The following CEP44 variants were observed in gnomAD, a reference collection of about 807,000 sequenced individuals.
CEP44 encodes the protein centrosomal protein of 44 kDa.
A neutral mutation model predicts 46.7 loss-of-function variants in CEP44; 45 were observed. The ratio of observed to expected loss-of-function variants is 0.96; its 90% CI spans 0.76 to 1.24. The LOEUF is 1.24. Ranked by LOEUF, CEP44 falls within the 50% of genes most tolerant of loss-of-function variation. CEP44 has a pLI of 0.00. For missense variants in CEP44, 475 were observed against 459.7 expected (o/e 1.03, Z -0.30); for synonymous variants, 142 against 146.0 (o/e 0.97, Z 0.20).
In CEP44 at chr4:174,291,787, C is replaced by CTTTTTTTTTTTTTTTTTT. The variant is rs56201469; in HGVS notation, c.-147-6171_-147-6154dup. ...CTTTATTCTTTTATCTTTTTCTTTTCTTTTTTTTTTTTTTTTTTTTTTTTT... is the reference window on the plus strand; with the variant it reads ...CTTTATTCTTTTATCTTTTTCTTTTCTTTTTTTTTTTTTTTTTTTTTTTTTTTTTTTTTTTTTTTTTTT... On this transcript the variant is annotated intron_variant, in intron 1 of 11. Coordinates refer to ENST00000503780, the MANE Select transcript of CEP44 (RefSeq NM_001040157.3). Among the ~76,000 whole-genome samples, 39 of 46,404 alleles carry CTTTTTTTTTTTTTTTTTT rather than the reference C, an allele frequency of 8.4e-4. 1 individual carries two copies. The highest frequency in any genetic ancestry group is 1.8e-3 in the East Asian group (2 of 1,142). 30.4% of individuals were successfully genotyped at this position (46,404 alleles called of 152,430 possible).
intron 1 of CEP44, among the ~76,000 whole-genome samples, chr4:174,292,601 C>T (rs137954281): frequency 3.9e-5 from 6 of 152,084 alleles, no homozygotes; most frequent in East Asian, 1.9e-4. Flanking sequence ...TTCATATGAC[C>T]GGTGTTCAGG....
rs1249943371 is a variant in CEP44 at position 174,311,713 on chromosome 4, A to G, written c.961+855A>G. 6.6e-6 allele frequency among the ~76,000 whole-genome samples: 1 copy of G among 152,170 alleles called. No homozygotes were observed. Among genetic ancestry groups the G allele is most frequent in the Non-Finnish European group, 1.5e-5 (1 of 68,004 alleles). On this transcript the variant is annotated intron_variant, in intron 9 of 11. Transcript: ENST00000503780. The surrounding 1 kb of genome is among the most constrained non-coding windows in gnomAD (Gnocchi z 4.4). ...CTATTTTTATATTTTACAGTTGAGG[A>G]AACTGAAGTACAGCAAAATTAAGTA...
At chr4:174,294,046 C>CTT (rs764798847) in intron 1 of CEP44, among the ~76,000 whole-genome samples, 13 of 138,106 alleles carry the variant, frequency 9.4e-5, no homozygotes, top group Admixed American at 2.2e-4. Context: ...CATATATCCT[C>CTT]TTTTTTTTTT....
rs1001992888 is a variant in CEP44, at chr4:174,316,196, G to T, written c.992G>T (p.Ser331Ile). 2.5e-6 allele frequency: 4 copies of T among 1,613,824 alleles called. No individual in the cohort carries two copies. Among genetic ancestry groups the T allele is most frequent in the Non-Finnish European group, 2.5e-6 (3 of 1,179,918 alleles). The change falls in exon 10 of 12, where the codon AGT becomes ATT. Residue 331 changes from serine (S) to isoleucine (I), a missense_variant. Ser to Ile is a moderately radical substitution (Grantham distance 142, BLOSUM62 -2). Transcript: ENST00000503780. ...AAAAGCGAAGTAGAGAGGCCAGCAA[G>T]TATTCCTCTGTCCTCTGGCTATAGT... ...HRKSEVERPASIPLSSGYSTA... is the reference protein window; with the variant it reads ...HRKSEVERPAIIPLSSGYSTA...
At chr4:174,289,511 T>C (rs1737933772) in intron 1 of CEP44, among the ~76,000 whole-genome samples, 1 of 151,974 alleles carries the variant, frequency 6.6e-6, no homozygotes, top group Non-Finnish European at 1.5e-5. Flanking sequence ...CCATTTTTTT[T>C]TAGATTGTCC....
At chr4:174,321,268 A>C (rs569913432), downstream of CEP44, among the ~76,000 whole-genome samples, 68 of 152,290 alleles carry the variant, frequency 4.5e-4, no homozygotes, top group East Asian at 8.9e-3. Context: ...CTAAGCCTTC[A>C]AATTCAGATT....
intron 6 of CEP44, 46 bp downstream of exon 6, chr4:174,304,415 A>G (rs1157221469): frequency 3.2e-6 from 5 of 1,586,380 alleles, no homozygotes; most frequent in Non-Finnish European, 4.3e-6. Context: ...GAGTTATCTA[A>G]TTAATCCAAT....
At chr4:174,284,160 C>A (rs1579047379) in intron 1 of CEP44, 1 of 397,988 alleles carries the variant, frequency 2.5e-6, no homozygotes, top group Non-Finnish European at 4.4e-6. Flanking sequence ...GAGGAGACGG[C>A]AAGGCTGCGC....
chr4:174,326,334 A>G lies in CEP44; in HGVS notation c.1087-5148A>G, dbSNP rs1742666296. ...AATATTATACTACTCATTTTTCAGT[A>G]TATATATTTAACTTAATATAGGCTA... On this transcript the variant is annotated intron_variant, in intron 8 of 8. Transcript: ENST00000426172. This position sits in a 1 kb window ranked among gnomAD's most constrained non-coding sequence, Gnocchi z 4.8. Among the ~76,000 whole-genome samples the G allele has an allele frequency of 6.6e-6, 1 of 151,306 alleles. No homozygotes were observed. The highest frequency in any genetic ancestry group is 1.5e-5 in the Non-Finnish European group (1 of 67,934).
rs977735441 is a variant in CEP44 at position 174,311,215 on chromosome 4, G to A, written c.961+357G>A. Among the ~76,000 whole-genome samples the A allele has an allele frequency of 6.6e-6, 1 of 151,928 alleles. No homozygotes were observed. The highest frequency in any genetic ancestry group is 1.5e-5 in the Non-Finnish European group (1 of 67,866). On this transcript the variant is annotated intron_variant, in intron 9 of 11. Coordinates refer to ENST00000503780, the MANE Select transcript of CEP44 (RefSeq NM_001040157.3). The surrounding 1 kb of genome is among the most constrained non-coding windows in gnomAD (Gnocchi z 4.4). ...CTTTCTCATATGTAAATAATAATAT[G>A]TAAGAGAAGAAAACACATTTGTCAG...
intron 1 of CEP44, 135 bp downstream of exon 1, chr4:174,284,078 T>G (rs549186192): frequency 1.5e-4 from 60 of 398,886 alleles, no homozygotes; most frequent in Non-Finnish European, 2.5e-4. Flanking sequence ...TTGCATATGC[T>G]CCGTTTTCCT....
In CEP44 at chr4:174,317,420, A is replaced by G. The variant is rs1317376852; in HGVS notation, c.*37A>G. On this transcript the variant is annotated 3_prime_UTR_variant, in exon 12 of 12. Coordinates refer to ENST00000503780, the MANE Select transcript of CEP44 (RefSeq NM_001040157.3). Reference sequence around the variant, plus strand: ...TGAACTTTTTTCTAGGACTTTGGTTACTATACATATTGTATATTTTAAGAA... The same window carrying G: ...TGAACTTTTTTCTAGGACTTTGGTTGCTATACATATTGTATATTTTAAGAA... 3.6e-6 allele frequency: 5 copies of G among 1,375,682 alleles called. No homozygotes were observed. In the African/African-American group the frequency reaches 4.4e-5, roughly 12 times the overall value. 85.2% of individuals were successfully genotyped at this position (1,375,682 alleles called of 1,614,324 possible).
At chr4:174,324,816 T>C (rs1742553597), downstream of CEP44, among the ~76,000 whole-genome samples, 1 of 152,154 alleles carries the variant, frequency 6.6e-6, no homozygotes, top group Non-Finnish European at 1.5e-5. Flanking sequence ...CATATATTCC[T>C]GTGGGAACCA....
rs558972132 is a variant in CEP44, at chr4:174,301,900, T to C, written c.90-139T>C. 3 of 710,156 alleles carry C rather than the reference T, an allele frequency of 4.2e-6. No homozygotes were observed. The highest frequency in any genetic ancestry group is 3.6e-5 in the African/African-American group (2 of 55,264). The allele number at this position is 710,156 out of a possible 1,614,324, so 44.0% of individuals were successfully genotyped here. A position where few individuals can be genotyped will look rare whatever the true frequency, so the allele number is the denominator to read the frequency against. ...GGGGAATGGAATCTAGAAAGTCTCA[T>C]GTATCACCTAATTATTATAGCTATA... On this transcript the variant is annotated intron_variant, in intron 3 of 11. Coordinates refer to ENST00000503780, the MANE Select transcript of CEP44 (RefSeq NM_001040157.3). This position sits in a 1 kb window ranked among gnomAD's most constrained non-coding sequence, Gnocchi z 4.3.
At chr4:174,295,147 G>A (rs1175255422) in intron 1 of CEP44, among the ~76,000 whole-genome samples, 6 of 151,688 alleles carry the variant, frequency 4.0e-5, no homozygotes, top group South Asian at 2.1e-4. Context: ...CCTCCCTCCC[G>A]GATGGGGTGG....
intron 1 of CEP44, among the ~76,000 whole-genome samples, chr4:174,294,847 C>CG (rs529251008): frequency 0.022 from 2,927 of 130,792 alleles, 57 homozygotes; most frequent in Non-Finnish European, 0.032. Flanking sequence ...GCTGGCCGGG[C>CG]GGGGGGCTGA....
Position 174,316,221 on chromosome 4 carries a change from T to C in CEP44, c.1017T>C (p.Ser339=). Reference sequence around the variant, plus strand: ...GTATTCCTCTGTCCTCTGGCTATAGTACAGCATCATCAGATTCAACTCCCA... The same window carrying C: ...GTATTCCTCTGTCCTCTGGCTATAGCACAGCATCATCAGATTCAACTCCCA... ...PASIPLSSGY[S]TASSDSTPRA... Residue 339 remains serine, a synonymous_variant, in exon 10 of 12, where the codon AGT becomes AGC. Transcript: ENST00000503780. 6.2e-7 allele frequency: 1 copy of C among 1,613,646 alleles called. No homozygotes were observed. The highest frequency in any genetic ancestry group is 8.5e-7 in the Non-Finnish European group (1 of 1,179,576).
At position 174,331,886 on chromosome 4, in the gene CEP44, G is replaced by T. The variant is rs1731337836; in HGVS notation, c.*291G>T. The T allele has an allele frequency of 3.5e-6, 1 of 285,742 alleles. No homozygotes were observed. The highest frequency in any genetic ancestry group is 6.5e-6 in the Non-Finnish European group (1 of 154,618). 17.7% of individuals were successfully genotyped at this position (285,742 alleles called of 1,614,324 possible). A position where few individuals can be genotyped will look rare whatever the true frequency, so the allele number is the denominator to read the frequency against. On this transcript the variant is annotated 3_prime_UTR_variant, in exon 9 of 9. Transcript: ENST00000426172. This position sits in a 1 kb window ranked among gnomAD's most constrained non-coding sequence, Gnocchi z 4.5. Reference sequence around the variant, plus strand: ...TTCATATTTCTTTATTATTGTAAATGGGGGCTGTGGAAGGTGAGAAAACAC... The same window carrying T: ...TTCATATTTCTTTATTATTGTAAATTGGGGCTGTGGAAGGTGAGAAAACAC...
rs141845444 is a variant in CEP44, at chr4:174,315,165, A to G, written c.962-1001A>G. Among the ~76,000 whole-genome samples the G allele has an allele frequency of 1.3e-3, 197 of 152,034 alleles. 8 individuals carry two copies. In the East Asian group the frequency reaches 0.034, roughly 26 times the overall value. Reference sequence around the variant, plus strand: ...CTCAGTGGTAATAGTTTGTTCCCCAATTAAGGTTGTCTGTGTAGGCTTACA... The same window carrying G: ...CTCAGTGGTAATAGTTTGTTCCCCAGTTAAGGTTGTCTGTGTAGGCTTACA... On this transcript the variant is annotated intron_variant, in intron 9 of 11. Coordinates refer to ENST00000503780, the MANE Select transcript of CEP44 (RefSeq NM_001040157.3).
Sources: gnomAD v4.1 joint callset for allele counts (sites outside exome capture counted in the v4.1 genomes callset) on GRCh38, gnomAD v4.1.1 for gene constraint, Gnocchi (gnomAD v3.1) non-coding constraint, MANE v1.5 for transcripts, NCBI Gene and HGNC (gene_info 2026-07-23, HGNC 2026-07-21) for gene names.